The following UBA1 variants were observed in gnomAD, a reference collection of about 807,000 sequenced individuals.
The protein encoded by UBA1 is ubiquitin-like modifier-activating enzyme 1.
In UBA1, 4 loss-of-function variants were observed where a neutral mutation model predicts 84.7. The observed-to-expected ratio is 0.05, with a 90% CI of 0.02 to 0.11. UBA1 has a LOEUF of 0.11. Ranked by LOEUF, UBA1 falls within the 10% of genes least tolerant of loss-of-function variation. UBA1 has a pLI of 1.00. For missense variants in UBA1, 513 were observed against 902.8 expected (o/e 0.57, Z 5.53); for synonymous variants, 364 against 362.6 (o/e 1.00, Z -0.04).
chrX:47,207,408 C>G (rs963417447), intron 16 of UBA1, among the ~76,000 whole-genome samples: 6 of 112,037 alleles, frequency 5.4e-5, no homozygotes, highest in Non-Finnish European at 1.1e-4. Flanking sequence ...AAAAAAGATC[C>G]GTGCATAAAT....
intron 14 of UBA1, 30 bp from the exon 15 acceptor site, chrX:47,205,918 C>T (rs1556790729): frequency 3.3e-6 from 4 of 1,194,475 alleles, no homozygotes; most frequent in East Asian, 6.0e-5. Flanking sequence ...CCCATCCCCA[C>T]CCTGGAACTG....
intron 1 of UBA1, among the ~76,000 whole-genome samples, chrX:47,198,586 C>T (rs1275651906): frequency 9.0e-6 from 1 of 111,649 alleles, no homozygotes; most frequent in African/African-American, 3.3e-5. Flanking sequence ...TAGTGGTCAG[C>T]AGTGTGGATT....
chrX:47,210,006 C>T lies in UBA1; in HGVS notation c.2082C>T (p.Ser694=). The change falls in exon 18 of 26, where the codon AGC becomes AGT. Residue 694 remains serine (S), a synonymous_variant. Transcript: ENST00000335972. The part of the protein sequence containing the change: ...PLEVLEAVQR[S]LVLQRPQTWA... ...AGGTGCTGGAGGCTGTGCAGCGCAGCCTGGTGCTGCAGCGACCACAGACCT... is the reference window on the plus strand; with the variant it reads ...AGGTGCTGGAGGCTGTGCAGCGCAGTCTGGTGCTGCAGCGACCACAGACCT... 1 of 1,211,933 alleles carries T rather than the reference C, an allele frequency of 8.3e-7. No individual in the cohort carries two copies. The highest frequency in any genetic ancestry group is 1.8e-5 in the South Asian group (1 of 57,017).
chrX:47,205,780 G>C (rs1936644726), intron 14 of UBA1, 168 bp from the exon 15 acceptor site: 1 of 560,253 alleles, frequency 1.8e-6, no homozygotes, highest in East Asian at 3.6e-5. Flanking sequence ...CTGGAGCCTG[G>C]GAAGTTGAGG....
At chrX:47,213,906 G>C (rs1468993008) in intron 23 of UBA1, among the ~76,000 whole-genome samples, 1 of 111,356 alleles carries the variant, frequency 9.0e-6, no homozygotes, top group Non-Finnish European at 1.9e-5. Flanking sequence ...GAATACCAGG[G>C]GGCGAGGGGA....
chrX:47,213,151 C>T lies in UBA1; in HGVS notation c.2808C>T (p.Phe936=), dbSNP rs1300201317. Residue 936 remains phenylalanine (F), a synonymous_variant, in exon 23 of 26, where the codon TTC becomes TTT. Coordinates refer to ENST00000335972, the MANE Select transcript of UBA1 (RefSeq NM_003334.4). ...ACTTGGCCCTGCCTTTCTTTGGTTT[C>T]TCTGAACCCCTTGCCGCACCACGTC... ...FLNLALPFFG[F]SEPLAAPRHQ... 3 of 1,209,868 alleles carry T rather than the reference C, an allele frequency of 2.5e-6. No individual in the cohort carries two copies. The highest frequency in any genetic ancestry group is 2.2e-5 in the Admixed American group (1 of 45,812).
rs782701504 is a variant in UBA1 at position 47,199,568 on chromosome X, C to T, written c.434C>T (p.Thr145Ile). 1.7e-6 allele frequency: 2 copies of T among 1,211,842 alleles called. No individual in the cohort carries two copies. The highest frequency in any genetic ancestry group is 4.3e-5 in the Admixed American group (2 of 46,095). ...GAGCTCAACAGCTATGTGCCTGTCACTGCCTACACTGGACCCCTCGTTGAG... is the reference window on the plus strand; with the variant it reads ...GAGCTCAACAGCTATGTGCCTGTCATTGCCTACACTGGACCCCTCGTTGAG... The part of the protein sequence containing the change: ...LAELNSYVPV[T>I]AYTGPLVEDF... Residue 145 changes from threonine to isoleucine, a missense_variant, in exon 5 of 26, where the codon ACT becomes ATT. This residue lies in a region of UBA1 where 227 missense variants were observed against 339.1 expected (regional missense o/e 0.67). Transcript: ENST00000335972.
rs781830443 is a variant in UBA1 at position 47,213,192 on chromosome X, G to A, written c.2838+11G>A. ...GCACCACGTCACCAGGTGGGGGCCT[G>A]CATCCGAAGCAGGGTTTGGGTGGGG... On this transcript the variant is annotated intron_variant, in intron 23 of 25. Coordinates refer to ENST00000335972, the MANE Select transcript of UBA1 (RefSeq NM_003334.4). The A allele has an allele frequency of 1.7e-6, 2 of 1,207,682 alleles. No homozygotes were observed. Among genetic ancestry groups the A allele is most frequent in the Non-Finnish European group, 2.2e-6 (2 of 894,560 alleles).
At chrX:47,204,139 G>GTTT (rs55829376) in intron 14 of UBA1, among the ~76,000 whole-genome samples, 5 of 16,881 alleles carry the variant, frequency 3.0e-4, no homozygotes, top group African/African-American at 7.8e-4. Context: ...CTCAGCTTCT[G>GTTT]TTTTTTTTTT....
chrX:47,199,731 G>T, intron 5 of UBA1, 117 bp downstream of exon 5: 1 of 920,502 alleles, frequency 1.1e-6, no homozygotes. Context: ...GTTTTGTGCT[G>T]GGGGACTAGA....
rs1556787688 is a variant in UBA1 at position 47,200,985 on chromosome X, C to T, written c.572C>T (p.Thr191Met). ...GGCATCAAGCTGGTGGTGGCAGACACGCGGGGCCTGTTTGGGTGAGTGGCA... is the reference window on the plus strand; with the variant it reads ...GGCATCAAGCTGGTGGTGGCAGACATGCGGGGCCTGTTTGGGTGAGTGGCA... ...NRGIKLVVAD[T>M]RGLFGQLFCD... Residue 191 changes from threonine (T) to methionine (M), a missense_variant, in exon 6 of 26, where the codon ACG becomes ATG. Around this residue, in one of 6 missense-constraint regions of UBA1, gnomAD observed 227 missense variants for 339.1 expected, o/e 0.67. Transcript: ENST00000335972. 2 of 1,198,118 alleles carry T rather than the reference C, an allele frequency of 1.7e-6. No homozygotes were observed. The highest frequency in any genetic ancestry group is 1.8e-5 in the African/African-American group (1 of 56,975).
In UBA1 at chrX:47,214,575, C is replaced by T. The variant is rs145283250; in HGVS notation, c.2979C>T (p.Gly993=). Residue 993 remains glycine, a synonymous_variant, in exon 25 of 26, where the codon GGC becomes GGT. Transcript: ENST00000335972. ...HKLEITMLSQ[G]VSMLYSFFMP... ...TAGAGATCACCATGCTGTCCCAGGG[C>T]GTGTCCATGCTCTATTCCTTCTTCA... 34 of 1,209,280 alleles carry T rather than the reference C, an allele frequency of 2.8e-5. No individual in the cohort carries two copies. The African/African-American group carries it at 4.6e-4, about 16-fold the overall frequency.
Position 47,203,221 on chromosome X carries a change from G to T in UBA1, c.1419+7G>T. 8.3e-7 allele frequency: 1 copy of T among 1,210,895 alleles called. No homozygotes were observed. Among genetic ancestry groups the T allele is most frequent in the Non-Finnish European group, 1.1e-6 (1 of 894,447 alleles). ...CAAGCAGAAGTATTTCCTGGTAAGT[G>T]GTCCCCTTGGATGTCTGCTCCCCTC... On this transcript the variant is annotated splice_region_variant and intron_variant, in intron 13 of 25. Transcript: ENST00000335972.
chrX:47,206,508 C>G (rs1245712544), intron 16 of UBA1, 64 bp downstream of exon 16: 2 of 1,122,194 alleles, frequency 1.8e-6, no homozygotes, highest in Non-Finnish European at 2.4e-6. Context: ...CTCTCCGCCC[C>G]CAGGCCCTTG....
intron 20 of UBA1, among the ~76,000 whole-genome samples, chrX:47,211,747 C>T (rs782764890): frequency 9.4e-6 from 1 of 106,790 alleles, no homozygotes; most frequent in Non-Finnish European, 1.9e-5. Flanking sequence ...TCTGTAACGC[C>T]CCCTACATTT....
In UBA1 at chrX:47,210,919, A is replaced by G. The variant is rs896249758; in HGVS notation, c.2274+3A>G. ...CGCTCACCTTTGATGTCAACAATGT[A>G]AGTCTCCTTTCTAGGGTCTTCTGGG... On this transcript the variant is annotated splice_donor_region_variant and intron_variant, in intron 19 of 25. Coordinates refer to ENST00000335972, the MANE Select transcript of UBA1 (RefSeq NM_003334.4). 8.3e-7 allele frequency: 1 copy of G among 1,211,127 alleles called. No individual in the cohort carries two copies. The highest frequency in any genetic ancestry group is 1.1e-6 in the Non-Finnish European group (1 of 895,132).
intron 16 of UBA1, among the ~76,000 whole-genome samples, chrX:47,208,272 C>CGTGTGT (rs144601357): frequency 9.8e-4 from 104 of 106,476 alleles, no homozygotes; most frequent in African/African-American, 2.9e-3. Context: ...AGTGTCTGTA[C>CGTGTGT]GTGTGTGTGT....
chrX:47,194,149 T>C (rs1960068842), intron 1 of UBA1, 125 bp downstream of exon 1: 1 of 111,271 alleles, frequency 9.0e-6, no homozygotes, highest in Non-Finnish European at 1.9e-5. Flanking sequence ...ATCAGCGGAG[T>C]AGGGAGGGGG....
In UBA1 at chrX:47,213,167, G is replaced by A. The variant is rs1556794067; in HGVS notation, c.2824G>A (p.Ala942Thr). The A allele has an allele frequency of 1.7e-6, 2 of 1,210,712 alleles. No individual in the cohort carries two copies. Among genetic ancestry groups the A allele is most frequent in the Non-Finnish European group, 2.2e-6 (2 of 895,389 alleles). ...CTTTGGTTTCTCTGAACCCCTTGCC[G>A]CACCACGTCACCAGGTGGGGGCCTG... is the stretch of plus-strand genomic sequence containing the variant. ...PFFGFSEPLA[A>T]PRHQYYNQEW... Residue 942 changes from alanine to threonine, a missense_variant, in exon 23 of 26, where the codon GCA becomes ACA. Ala to Thr is a moderately conservative substitution (Grantham distance 58, BLOSUM62 0). Around this residue, in one of 6 missense-constraint regions of UBA1, gnomAD observed 151 missense variants for 260.1 expected, o/e 0.58. Coordinates refer to ENST00000335972, the MANE Select transcript of UBA1 (RefSeq NM_003334.4).
Sources: allele counts gnomAD v4.1 joint callset (sites outside exome capture counted in the v4.1 genomes callset), GRCh38; gene constraint gnomAD v4.1.1; regional missense constraint gnomAD v4.1.1; transcripts MANE v1.5; gene names NCBI Gene and HGNC (gene_info 2026-07-23, HGNC 2026-07-21).